Variants in PCSK5 observed in about 807,000 individuals in gnomAD.
PCSK5 encodes proprotein convertase subtilisin/kexin type 5.
Under a neutral mutation model 233.2 loss-of-function variants are expected in PCSK5, and 129 were observed. The observed-to-expected ratio is 0.55, with a 90% confidence interval of 0.48 to 0.64. The LOEUF (loss-of-function observed/expected upper bound fraction) is 0.64. Among genes scored for constraint, PCSK5 ranks in the 30% least tolerant of loss-of-function variants. The probability of loss-of-function intolerance (pLI) is 0.00; values close to 1 mark genes in which losing one functional copy is unlikely to be tolerated. For synonymous variants in PCSK5, 825 were observed against 879.2 expected (o/e 0.94, Z 1.09); for missense variants, 2,076 against 2,430.1 (o/e 0.85, Z 3.06).
intron 20 of PCSK5, among the ~76,000 whole-genome samples, chr9:76,221,127 T>G (rs113030842): frequency 0.028 from 4,222 of 152,330 alleles, 108 homozygotes; most frequent in South Asian, 0.13. Flanking sequence ...ATCTGTTTAC[T>G]TGATACATGG....
chr9:76,326,874 G>C (rs1364475775), intron 32 of PCSK5, among the ~76,000 whole-genome samples: 1 of 152,154 alleles, frequency 6.6e-6, no homozygotes, highest in African/African-American at 2.4e-5. Context: ...GATAAAACTT[G>C]AGAGATGTCT....
chr9:76,308,989 G>A lies in PCSK5; in HGVS notation c.3688+261G>A, dbSNP rs573306176. Among the ~76,000 whole-genome samples, 7 of 152,228 alleles carry A rather than the reference G, an allele frequency of 4.6e-5. No homozygotes were observed. The East Asian group carries it at 7.7e-4, about 17-fold the overall frequency. On this transcript the variant is annotated intron_variant, in intron 29 of 37. Transcript: ENST00000674117. ...TCCCAACATTTTGAGAGGCTGAGGC[G>A]GGAGGATTTCTTGAGCCCAGGAGTT... is the stretch of plus-strand genomic sequence containing the variant.
chr9:76,155,619 G>A (rs967242174), intron 10 of PCSK5, among the ~76,000 whole-genome samples: 1 of 152,178 alleles, frequency 6.6e-6, no homozygotes, highest in Admixed American at 6.5e-5. Context: ...ATGGATGGAT[G>A]GAGGGATGGA....
intron 2 of PCSK5, among the ~76,000 whole-genome samples, chr9:75,977,012 T>C (rs1011870823): frequency 2.0e-5 from 3 of 152,172 alleles, no homozygotes; most frequent in Non-Finnish European, 2.9e-5. Context: ...TGTCTTTTAT[T>C]AGTCTGGGAG....
chr9:75,952,671 G>A (rs989545794), intron 2 of PCSK5, among the ~76,000 whole-genome samples: 3 of 152,100 alleles, frequency 2.0e-5, no homozygotes, highest in African/African-American at 7.2e-5. Flanking sequence ...TTCCGGACCT[G>A]TAGTTTTACA....
chr9:76,064,714 G>C (rs966719256), intron 5 of PCSK5, among the ~76,000 whole-genome samples: 1 of 149,270 alleles, frequency 6.7e-6, no homozygotes, highest in Non-Finnish European at 1.5e-5. Flanking sequence ...GGGCAGAGAC[G>C]CTCCTCACCT....
chr9:76,044,710 T>G (rs1198806554), intron 5 of PCSK5, among the ~76,000 whole-genome samples: 1 of 152,224 alleles, frequency 6.6e-6, no homozygotes, highest in Non-Finnish European at 1.5e-5. Context: ...CCAAGTTAAA[T>G]GAATTATTGA....
At chr9:76,051,304 GA>G (rs1331696807) in intron 5 of PCSK5, among the ~76,000 whole-genome samples, 1 of 152,116 alleles carries the variant, frequency 6.6e-6, no homozygotes, top group Non-Finnish European at 1.5e-5. Context: ...CCTTTACTCA[GA>G]ATATTCCCCG....
intron 8 of PCSK5, among the ~76,000 whole-genome samples, chr9:76,100,994 A>G (rs1564026447): frequency 6.6e-6 from 1 of 152,078 alleles, no homozygotes; most frequent in African/African-American, 2.4e-5. Flanking sequence ...CACCTCAAAG[A>G]GGATTTTCTT....
chr9:76,343,347 G>T (rs1257036212), intron 35 of PCSK5, among the ~76,000 whole-genome samples: 2 of 148,998 alleles, frequency 1.3e-5, no homozygotes, highest in Non-Finnish European at 3.0e-5. Context: ...GTGTGTGTGT[G>T]TGTGTGTGTG....
chr9:76,294,205 A>G (rs904920951), intron 25 of PCSK5, among the ~76,000 whole-genome samples: 2 of 152,048 alleles, frequency 1.3e-5, no homozygotes, highest in Non-Finnish European at 2.9e-5. Flanking sequence ...AAAAAAAAAA[A>G]AAAAAACAGT....
chr9:76,055,982 T>A (rs952475039), intron 5 of PCSK5, among the ~76,000 whole-genome samples: 2 of 152,110 alleles, frequency 1.3e-5, no homozygotes, highest in African/African-American at 4.8e-5. Flanking sequence ...ATATCCCTAT[T>A]TCTGGCTCTC....
Position 75,986,256 on chromosome 9 carries a change from T to A in PCSK5, c.411+11T>A. The A allele has an allele frequency of 6.7e-7, 1 of 1,502,836 alleles. No homozygotes were observed. The highest frequency in any genetic ancestry group is 9.3e-7 in the Non-Finnish European group (1 of 1,078,384). 93.1% of individuals were successfully genotyped at this position (1,502,836 alleles called of 1,614,324 possible). On this transcript the variant is annotated intron_variant, in intron 3 of 37. Transcript: ENST00000674117. ...AGCATGTGGTATATGGTAAGCTTGCTAAGGAAGCCTGGCCTAGGGCCATGT... is the reference window on the plus strand; with the variant it reads ...AGCATGTGGTATATGGTAAGCTTGCAAAGGAAGCCTGGCCTAGGGCCATGT...
chr9:76,217,305 G>A (rs906859275), intron 20 of PCSK5, among the ~76,000 whole-genome samples: 6 of 152,230 alleles, frequency 3.9e-5, no homozygotes, highest in African/African-American at 1.4e-4. Flanking sequence ...AGTGAGTTGA[G>A]CGTTGAGTGT....
At chr9:75,921,582 A>G (rs1296441077) in intron 1 of PCSK5, among the ~76,000 whole-genome samples, 11 of 150,684 alleles carry the variant, frequency 7.3e-5, no homozygotes, top group African/African-American at 2.0e-4. Context: ...GTGTGTGTGT[A>G]TGTGTGTGTG....
chr9:75,983,148 ATGTGTT>A (rs1826352731), intron 2 of PCSK5, among the ~76,000 whole-genome samples: 1 of 152,060 alleles, frequency 6.6e-6, no homozygotes, highest in Non-Finnish European at 1.5e-5. Context: ...TGCTACTAGT[ATGTGTT>A]TTAATTATTA....
intron 7 of PCSK5, among the ~76,000 whole-genome samples, chr9:76,085,996 T>C (rs989232517): frequency 2.0e-5 from 3 of 152,206 alleles, no homozygotes; most frequent in Admixed American, 2.0e-4. Flanking sequence ...ATGAAAGGAA[T>C]TTTTCAAATT....
intron 5 of PCSK5, among the ~76,000 whole-genome samples, chr9:76,043,340 A>AAAG (rs1416174552): frequency 6.7e-6 from 1 of 148,970 alleles, no homozygotes. Flanking sequence ...CATCTCAAAA[A>AAAG]AAAAAAAAAA....
chr9:76,003,157 C>G (rs1827332096), intron 3 of PCSK5, among the ~76,000 whole-genome samples: 1 of 152,202 alleles, frequency 6.6e-6, no homozygotes, highest in African/African-American at 2.4e-5. Context: ...TCATCCCTCC[C>G]CAGTAGAAAT....
Sources: gnomAD v4.1 joint callset for allele counts (sites outside exome capture counted in the v4.1 genomes callset) on GRCh38, gnomAD v4.1.1 for gene constraint, MANE v1.5 for transcripts, NCBI Gene and HGNC (gene_info 2026-07-23, HGNC 2026-07-21) for gene names.